SNX8: variants seen among roughly 807,000 people sequenced by gnomAD.
SNX8 encodes the protein sorting nexin-8.
Under a neutral mutation model 51.6 loss-of-function variants are expected in SNX8, and 25 were observed. That is an observed-to-expected ratio of 0.48 (90% CI 0.35 to 0.68). The LOEUF (loss-of-function observed/expected upper bound fraction) is 0.68. SNX8 is among the 30% of genes least tolerant of loss of function. SNX8 has a pLI of 0.00. For missense variants in SNX8, 695 were observed against 624.0 expected, an observed-to-expected ratio of 1.11 and a Z score of -1.21; for synonymous variants, 324 against 277.0, an observed-to-expected ratio of 1.17 and a Z score of -1.68.
chr7:2,346,961 T>C (rs1403385021), intron 1 of SNX8, among the ~76,000 whole-genome samples: 1 of 142,034 alleles, frequency 7.0e-6, no homozygotes, highest in Admixed American at 7.1e-5. Flanking sequence ...AATAGGGAAA[T>C]AGGGAGCATC....
At chr7:2,353,698 G>A (rs1562468632) in intron 1 of SNX8, among the ~76,000 whole-genome samples, 1 of 152,016 alleles carries the variant, frequency 6.6e-6, no homozygotes, top group Non-Finnish European at 1.5e-5. Context: ...TTGAAGGTCC[G>A]TCCCCGATAA....
chr7:2,339,834 A>G (rs1778889907), intron 1 of SNX8, among the ~76,000 whole-genome samples: 1 of 152,172 alleles, frequency 6.6e-6, no homozygotes, highest in South Asian at 2.1e-4. Context: ...TTATTTTTAA[A>G]AAGAACAGAA....
At chr7:2,330,583 A>G (rs940090364) in intron 1 of SNX8, among the ~76,000 whole-genome samples, 18 of 152,148 alleles carry the variant, frequency 1.2e-4, no homozygotes, top group Non-Finnish European at 2.9e-5. Context: ...AGAGGCCCAG[A>G]CTTGTGATCA....
Position 2,261,918 on chromosome 7 carries a change from G to T in SNX8, c.915+1312C>A, listed in dbSNP as rs145606867. Among the ~76,000 whole-genome samples the T allele has an allele frequency of 8.4e-3, 1,282 of 152,312 alleles. 17 individuals carry two copies. The highest frequency in any genetic ancestry group is 0.038 in the South Asian group (181 of 4,824). On this transcript the variant is annotated intron_variant, in intron 7 of 10. Coordinates refer to ENST00000222990, the MANE Select transcript of SNX8 (RefSeq NM_013321.4). ...CCACTCAGGAGCTCCGGGGCTCAGG[G>T]GAAGCACAGCCCTCACGGGCACACT...
At chr7:2,255,202 G>C in intron 10 of SNX8, 33 bp from the exon 11 acceptor site, 1 of 1,353,296 alleles carries the variant, frequency 7.4e-7, no homozygotes, top group South Asian at 1.4e-5. Context: ...AAGATCAGCA[G>C]GCGGGGCCGG....
chr7:2,309,751 C>T, intron 1 of SNX8: 1 of 462,712 alleles, frequency 2.2e-6, no homozygotes, highest in South Asian at 1.6e-5. Flanking sequence ...AAAGTATAAA[C>T]TTTAAGTGAC....
intron 1 of SNX8, among the ~76,000 whole-genome samples, chr7:2,338,659 GA>G (rs1289692296): frequency 6.6e-6 from 1 of 151,624 alleles, no homozygotes; most frequent in East Asian, 1.9e-4. Flanking sequence ...TGGGAAGGAA[GA>G]AATACAATGA....
intron 7 of SNX8, among the ~76,000 whole-genome samples, chr7:2,258,313 C>T (rs1478610795): frequency 6.6e-6 from 1 of 152,110 alleles, no homozygotes; most frequent in Non-Finnish European, 1.5e-5. Context: ...CCGCGCTGGG[C>T]CTGGCCCAGC....
At chr7:2,294,216 T>A (rs1485466628) in intron 1 of SNX8, among the ~76,000 whole-genome samples, 1 of 151,070 alleles carries the variant, frequency 6.6e-6, no homozygotes, top group Non-Finnish European at 1.5e-5. Flanking sequence ...TGAGCCGAGA[T>A]CACGCCATTG....
In SNX8 at chr7:2,271,877, G is replaced by A; in HGVS notation, c.513C>T (p.Leu171=). ...AGCCGCTGAAGGACAGGAAGAGCTT[G>A]AGGACCACATCCTCGGAGAACAGGG... ...RHPLFSEDVV[L]KLFLSFSGSD... is the part of the protein sequence containing the mutation. Residue 171 remains leucine (L), a synonymous_variant, in exon 4 of 11, where the codon CTC becomes CTT. Transcript: ENST00000222990. 3 of 1,612,806 alleles carry A rather than the reference G, an allele frequency of 1.9e-6. No homozygotes were observed. Among genetic ancestry groups the A allele is most frequent in the Non-Finnish European group, 1.7e-6 (2 of 1,179,532 alleles).
intron 6 of SNX8, 86 bp downstream of exon 6, chr7:2,264,212 T>G: frequency 7.4e-7 from 1 of 1,359,814 alleles, no homozygotes; most frequent in Non-Finnish European, 1.0e-6. Context: ...GTTATTACGG[T>G]AAACGCACTT....
At chr7:2,314,538 C>T, upstream of SNX8, 1 of 1,027,574 alleles carries the variant, frequency 9.7e-7, no homozygotes, top group Non-Finnish European at 1.2e-6. Flanking sequence ...CCGCGCGCCA[C>T]GCCCACAGTC....
chr7:2,349,952 G>A (rs1301120195), intron 1 of SNX8, among the ~76,000 whole-genome samples: 2 of 152,100 alleles, frequency 1.3e-5, no homozygotes, highest in Non-Finnish European at 2.9e-5. Flanking sequence ...CCCAGCATGA[G>A]GCTCCCAGGC....
intron 1 of SNX8, among the ~76,000 whole-genome samples, chr7:2,304,448 G>C (rs2115192268): frequency 6.6e-6 from 1 of 152,070 alleles, no homozygotes; most frequent in South Asian, 2.1e-4. Flanking sequence ...GGAGGCTGAG[G>C]CAGGAGAATG....
intron 1 of SNX8, chr7:2,337,118 C>G (rs1778845750): frequency 6.6e-6 from 1 of 152,046 alleles, no homozygotes; most frequent in South Asian, 2.1e-4. Context: ...GGTCACACCA[C>G]TGTGCGTAGC....
chr7:2,331,705 A>AAAATAAAT (rs61385746), intron 1 of SNX8, among the ~76,000 whole-genome samples: 5,290 of 145,546 alleles, frequency 0.036, 122 homozygotes, highest in South Asian at 0.074. Context: ...ACTCCGTCTC[A>AAAATAAAT]AAATAAATAA....
In SNX8 at chr7:2,339,594, T is replaced by C. The variant is rs149210311; in HGVS notation, c.-66+14628A>G. Among the ~76,000 whole-genome samples the C allele has an allele frequency of 1.5e-4, 23 of 152,240 alleles. No individual in the cohort carries two copies. In the East Asian group the frequency reaches 3.7e-3, roughly 24 times the overall value. On this transcript the variant is annotated intron_variant, in intron 1 of 5. Transcript: ENST00000435336. ...TATCTAAAGTGACAATTGACCCAAA[T>C]TGATGTATAAAATTAATGTAATTTC... is the stretch of plus-strand genomic sequence containing the variant.
At chr7:2,314,272 G>C in intron 1 of SNX8, 56 bp downstream of exon 1, 3 of 1,214,380 alleles carry the variant, frequency 2.5e-6, no homozygotes, top group African/African-American at 1.6e-5. Context: ...GTCCGCCGGG[G>C]GTGGTCGGGC....
At position 2,257,438 on chromosome 7, in the gene SNX8, CTCT is replaced by C. The variant is rs1400520725; in HGVS notation, c.1058_1060del (p.Lys353del). 1.2e-6 allele frequency: 2 copies of C among 1,610,684 alleles called. No individual in the cohort carries two copies. Among genetic ancestry groups the C allele is most frequent in the Non-Finnish European group, 1.7e-6 (2 of 1,179,324 alleles). On this transcript the variant is annotated inframe_deletion, in exon 9 of 11. Transcript: ENST00000222990. ...CTGCGCGGTGGCGCTCATCATCTGC[CTCT>C]TCATCAGGCTGTACTTGTGCAGGGC...
Sources: gnomAD v4.1 joint callset for allele counts (sites outside exome capture counted in the v4.1 genomes callset) on GRCh38, gnomAD v4.1.1 for gene constraint, MANE v1.5 for transcripts, NCBI Gene and HGNC (gene_info 2026-07-23, HGNC 2026-07-21) for gene names.